PTPRT: variants seen among roughly 807,000 people sequenced by gnomAD.
PTPRT encodes the protein receptor-type tyrosine-protein phosphatase T.
A neutral mutation model predicts 176.8 loss-of-function variants in PTPRT; 56 were observed. That is an observed-to-expected ratio of 0.32 (90% CI 0.26 to 0.40). PTPRT has a LOEUF of 0.40. Among genes scored for constraint, PTPRT ranks in the 10% least tolerant of loss-of-function variants. The pLI, the probability that PTPRT is intolerant of heterozygous loss-of-function variation, is 1.00. For synonymous variants in PTPRT, 783 were observed against 739.0 expected (o/e 1.06, Z -0.96); for missense variants, 1,540 against 1,908.2 (o/e 0.81, Z 3.60).
At chr20:43,085,128 A>G (rs932027258) in intron 1 of PTPRT, among the ~76,000 whole-genome samples, 11 of 152,190 alleles carry the variant, frequency 7.2e-5, no homozygotes, top group African/African-American at 2.2e-4. Flanking sequence ...TGGTTTTATT[A>G]AACTCCAGAG....
chr20:42,141,433 C>T (rs184971537), intron 18 of PTPRT, among the ~76,000 whole-genome samples: 1 of 152,358 alleles, frequency 6.6e-6, no homozygotes, highest in Admixed American at 6.5e-5. Flanking sequence ...ATTCTCTTGC[C>T]CGGGTTCTCC....
In PTPRT at chr20:42,799,738, C is replaced by A. The variant is rs531325267; in HGVS notation, c.215-8272G>T. The stretch of plus-strand genomic sequence containing the variant: ...AGACTCTTCACCTCTTCCTATGCAC[C>A]CATTTTAACCACACACTGCCCCGTA... On this transcript the variant is annotated intron_variant, in intron 2 of 30. Coordinates refer to ENST00000373187, the MANE Select transcript of PTPRT (RefSeq NM_007050.6). Among the ~76,000 whole-genome samples the A allele has an allele frequency of 4.3e-4, 66 of 152,312 alleles. 1 individual carries two copies. In the South Asian group the frequency reaches 0.013, roughly 30 times the overall value.
At chr20:42,990,947 A>G (rs1983878063) in intron 1 of PTPRT, among the ~76,000 whole-genome samples, 1 of 152,226 alleles carries the variant, frequency 6.6e-6, no homozygotes, top group African/African-American at 2.4e-5. Flanking sequence ...TTATACAAAA[A>G]GGAAAGAGGT....
rs143966073 is a variant in PTPRT, at chr20:43,091,420, G to GTC, written c.88+98224_88+98225dup. On this transcript the variant is annotated intron_variant, in intron 1 of 30. Transcript: ENST00000373187. ...ATTATTTTGACTCTAGCTTTCTAGA[G>GTC]TCTCTCTCTCTCTCTCTCTGTATTT... 7.7e-3 allele frequency among the ~76,000 whole-genome samples: 1,134 copies of GTC among 147,220 alleles called. 14 individuals carry two copies. Among genetic ancestry groups the GTC allele is most frequent in the African/African-American group, 0.024 (963 of 39,900 alleles).
chr20:42,786,346 G>A (rs981390410), intron 3 of PTPRT, among the ~76,000 whole-genome samples: 4 of 152,180 alleles, frequency 2.6e-5, no homozygotes, highest in African/African-American at 9.7e-5. Flanking sequence ...ACAGATGAGG[G>A]AACTGTGATT....
rs772072206 is a variant in PTPRT, at chr20:42,808,642, TTG to T, written c.215-17178_215-17177del. ...AAAATATTCATTTCACCGAGATGAG[TTG>T]TCTTTGTCAAGGTTCCCTCTAAAAA... On this transcript the variant is annotated intron_variant, in intron 2 of 30. Transcript: ENST00000373187. Among the ~76,000 whole-genome samples, 13 of 151,250 alleles carry T rather than the reference TTG, an allele frequency of 8.6e-5. No homozygotes were observed. The East Asian group carries it at 1.2e-3, about 14-fold the overall frequency.
At chr20:42,371,575 T>A (rs1448410084) in intron 9 of PTPRT, among the ~76,000 whole-genome samples, 1 of 152,240 alleles carries the variant, frequency 6.6e-6, no homozygotes, top group Non-Finnish European at 1.5e-5. Flanking sequence ...GATTGTAGTA[T>A]CCTTAGCACC....
intron 7 of PTPRT, among the ~76,000 whole-genome samples, chr20:42,641,732 A>G (rs897043689): frequency 4.6e-5 from 7 of 152,172 alleles, no homozygotes; most frequent in Non-Finnish European, 7.3e-5. Context: ...CAGTTGGAAT[A>G]AGCAGCCACA....
At chr20:43,061,241 C>G (rs1355992383) in intron 1 of PTPRT, among the ~76,000 whole-genome samples, 1 of 152,158 alleles carries the variant, frequency 6.6e-6, no homozygotes, top group Admixed American at 6.6e-5. Context: ...TCTCGCTCCT[C>G]CAGAAACAAT....
intron 12 of PTPRT, among the ~76,000 whole-genome samples, chr20:42,288,344 T>C (rs570828133): frequency 2.3e-4 from 4 of 17,068 alleles, no homozygotes; most frequent in Admixed American, 1.5e-3. Context: ...CAGAGTTTTT[T>C]TGTTTTGTTT....
intron 16 of PTPRT, among the ~76,000 whole-genome samples, chr20:42,172,485 G>T (rs1990118799): frequency 6.6e-6 from 1 of 152,150 alleles, no homozygotes; most frequent in African/African-American, 2.4e-5. Flanking sequence ...ACGTGGTCAG[G>T]GTCAGCTGGT....
chr20:42,771,258 G>T (rs895297452), intron 5 of PTPRT, among the ~76,000 whole-genome samples, 177 bp downstream of exon 5: 4 of 152,076 alleles, frequency 2.6e-5, no homozygotes, highest in Non-Finnish European at 5.9e-5. Context: ...GACCTCTCCC[G>T]CCTGGACCTA....
intron 1 of PTPRT, among the ~76,000 whole-genome samples, chr20:43,090,242 T>G (rs1026916927): frequency 4.6e-5 from 7 of 151,936 alleles, no homozygotes; most frequent in Admixed American, 3.3e-4. Context: ...AAGGAGATTT[T>G]ATACACATAG....
chr20:42,184,332 T>C (rs1990638566), intron 16 of PTPRT, among the ~76,000 whole-genome samples: 1 of 152,170 alleles, frequency 6.6e-6, no homozygotes, highest in Non-Finnish European at 1.5e-5. Flanking sequence ...GACCACACAG[T>C]GTTTAAGATT....
At chr20:42,887,804 C>T (rs1002193262) in intron 1 of PTPRT, among the ~76,000 whole-genome samples, 4 of 152,172 alleles carry the variant, frequency 2.6e-5, no homozygotes, top group African/African-American at 4.8e-5. Context: ...TCCAAATGTG[C>T]GTGTTCCCCT....
intron 7 of PTPRT, among the ~76,000 whole-genome samples, chr20:42,643,655 T>C (rs528737851): frequency 1.3e-5 from 2 of 152,002 alleles, no homozygotes; most frequent in Non-Finnish European, 2.9e-5. Context: ...GTGCAAAAAT[T>C]TAAATACCTT....
intron 7 of PTPRT, among the ~76,000 whole-genome samples, chr20:42,561,426 A>G (rs2072949610): frequency 6.6e-6 from 1 of 152,208 alleles, no homozygotes; most frequent in South Asian, 2.1e-4. Context: ...TACCAATGAC[A>G]CTGCTCTGCT....
At chr20:42,557,999 T>C (rs2072889258) in intron 7 of PTPRT, among the ~76,000 whole-genome samples, 1 of 152,222 alleles carries the variant, frequency 6.6e-6, no homozygotes, top group Admixed American at 6.5e-5. Flanking sequence ...TTTAAACTTT[T>C]ACATTCAGGG....
the PTPRT span, among the ~76,000 whole-genome samples, chr20:42,051,247 G>A: frequency 6.6e-6 from 1 of 152,158 alleles, no homozygotes; most frequent in Admixed American, 6.5e-5. Flanking sequence ...TGTGTCAGTG[G>A]ATTTGCTTTG....
Sources: gnomAD v4.1 joint callset for allele counts (sites outside exome capture counted in the v4.1 genomes callset) on GRCh38, gnomAD v4.1.1 for gene constraint, MANE v1.5 for transcripts, NCBI Gene and HGNC (gene_info 2026-07-23, HGNC 2026-07-21) for gene names.